Variants in ROBO2 observed in about 807,000 individuals in gnomAD.
ROBO2 encodes the protein roundabout homolog 2.
A neutral mutation model predicts 160.8 loss-of-function variants in ROBO2; 53 were observed. The ratio of observed to expected loss-of-function variants is 0.33; its 90% CI spans 0.26 to 0.41. The LOEUF is 0.41. Among genes scored for constraint, ROBO2 ranks in the 10% least tolerant of loss-of-function variants. ROBO2 has a pLI of 1.00. For synonymous variants in ROBO2, 664 were observed against 611.7 expected (o/e 1.09, Z -1.26); for missense variants, 1,577 against 1,722.4 (o/e 0.92, Z 1.49).
chr3:76,384,507 G>A (rs570283233), intron 2 of ROBO2, among the ~76,000 whole-genome samples: 98 of 152,218 alleles, frequency 6.4e-4, no homozygotes, highest in Middle Eastern at 6.8e-3. Flanking sequence ...AATCAAAACC[G>A]AAATTTTGGT....
chr3:76,042,673 A>G (rs746418792), intron 2 of ROBO2, among the ~76,000 whole-genome samples: 2 of 152,058 alleles, frequency 1.3e-5, no homozygotes, highest in African/African-American at 2.4e-5. Context: ...ACCCAAAACC[A>G]GGCCTGGGCC....
At chr3:76,880,184 A>AT in intron 2 of ROBO2, among the ~76,000 whole-genome samples, 1 of 151,988 alleles carries the variant, frequency 6.6e-6, no homozygotes, top group Non-Finnish European at 1.5e-5. Flanking sequence ...CCGGTTTATC[A>AT]TTTTTCCATT....
chr3:77,077,209 A>T lies in ROBO2; in HGVS notation c.62-20805A>T, dbSNP rs60522436. ...TCAGATTCCTCATCTGTAAAACAGAAATCATTACACAAAGCTTGTGGTGAG... is the reference window on the plus strand; with the variant it reads ...TCAGATTCCTCATCTGTAAAACAGATATCATTACACAAAGCTTGTGGTGAG... On this transcript the variant is annotated intron_variant, in intron 1 of 25. Coordinates refer to ENST00000461745, the Ensembl canonical transcript of ROBO2. Among the ~76,000 whole-genome samples, 33 of 152,340 alleles carry T rather than the reference A, an allele frequency of 2.2e-4. No individual in the cohort carries two copies. In the East Asian group the frequency reaches 4.8e-3, roughly 22 times the overall value.
intron 2 of ROBO2, among the ~76,000 whole-genome samples, chr3:77,320,075 G>A (rs774668098): frequency 6.6e-6 from 1 of 152,104 alleles, no homozygotes; most frequent in Non-Finnish European, 1.5e-5. Context: ...TCTTGAAATT[G>A]CAGCTGCATA....
intron 2 of ROBO2, among the ~76,000 whole-genome samples, chr3:76,204,945 A>G (rs1702727827): frequency 6.6e-6 from 1 of 152,200 alleles, no homozygotes; most frequent in Admixed American, 6.6e-5. Flanking sequence ...TTCATTGGAA[A>G]TTCATAGAGT....
chr3:76,410,919 A>G (rs1197200363), intron 2 of ROBO2, among the ~76,000 whole-genome samples: 1 of 152,182 alleles, frequency 6.6e-6, no homozygotes, highest in Non-Finnish European at 1.5e-5. Flanking sequence ...TCTTATGAAG[A>G]AAAAACTGTT....
At chr3:76,288,513 T>A (rs1183034342) in intron 2 of ROBO2, among the ~76,000 whole-genome samples, 1 of 151,994 alleles carries the variant, frequency 6.6e-6, no homozygotes, top group East Asian at 1.9e-4. Context: ...ACTTTTAGGT[T>A]CAGGGGATAC....
intron 2 of ROBO2, among the ~76,000 whole-genome samples, chr3:76,518,068 A>G (rs1299190280): frequency 6.6e-6 from 1 of 152,130 alleles, no homozygotes; most frequent in Non-Finnish European, 1.5e-5. Context: ...TTTAGAATAC[A>G]TTGTAATTAC....
intron 2 of ROBO2, among the ~76,000 whole-genome samples, chr3:77,102,074 G>T (rs935445851): frequency 6.6e-6 from 1 of 152,070 alleles, no homozygotes; most frequent in Non-Finnish European, 1.5e-5. Context: ...AAACATGGTT[G>T]ACACGATGCA....
chr3:76,149,789 AGTCTAAAACACACATCT>A (rs1471695822), intron 2 of ROBO2, among the ~76,000 whole-genome samples: 1 of 125,352 alleles, frequency 8.0e-6, no homozygotes, highest in Non-Finnish European at 1.7e-5. Context: ...ACACATCATC[AGTCTAAAACACACATCT>A]GTCTAAAGCA....
intron 2 of ROBO2, among the ~76,000 whole-genome samples, chr3:77,264,292 T>A (rs896386272): frequency 5.3e-5 from 8 of 152,186 alleles, no homozygotes; most frequent in African/African-American, 1.7e-4. Context: ...CCAGAGAAAT[T>A]TCACTTTTCA....
intron 2 of ROBO2, among the ~76,000 whole-genome samples, chr3:76,620,279 G>C (rs2088960111): frequency 6.6e-6 from 1 of 152,076 alleles, no homozygotes; most frequent in African/African-American, 2.4e-5. Context: ...TGTACTCTAT[G>C]AATATTTGCC....
intron 2 of ROBO2, among the ~76,000 whole-genome samples, chr3:76,225,699 G>T (rs543926610): frequency 1.3e-5 from 2 of 151,878 alleles, no homozygotes; most frequent in Non-Finnish European, 2.9e-5. Flanking sequence ...GGATGACAGA[G>T]GGATTCCTTG....
At chr3:77,228,999 T>A (rs899203712) in intron 2 of ROBO2, among the ~76,000 whole-genome samples, 2 of 152,236 alleles carry the variant, frequency 1.3e-5, no homozygotes, top group African/African-American at 4.8e-5. Flanking sequence ...TCATTTGGCA[T>A]GTTTTGTCCC....
At chr3:77,174,222 G>C (rs1398436227) in intron 2 of ROBO2, among the ~76,000 whole-genome samples, 1 of 151,872 alleles carries the variant, frequency 6.6e-6, no homozygotes, top group African/African-American at 2.4e-5. Context: ...AGCTTTGCTT[G>C]ACTAAGAAAA....
chr3:76,611,543 C>T (rs1006571803), intron 2 of ROBO2, among the ~76,000 whole-genome samples: 23 of 151,928 alleles, frequency 1.5e-4, no homozygotes, highest in Non-Finnish European at 2.1e-4. Context: ...CTAGGTTTTC[C>T]GATTTATTGG....
chr3:76,446,250 A>G (rs1412595108), intron 2 of ROBO2, among the ~76,000 whole-genome samples: 1 of 152,152 alleles, frequency 6.6e-6, no homozygotes, highest in East Asian at 1.9e-4. Flanking sequence ...ACAATAAGAG[A>G]CAAACAGAGA....
At chr3:76,247,536 C>T (rs1705693373) in intron 2 of ROBO2, among the ~76,000 whole-genome samples, 1 of 152,122 alleles carries the variant, frequency 6.6e-6, no homozygotes. Context: ...TGCGCTATGA[C>T]ACATTGGGCT....
intron 2 of ROBO2, among the ~76,000 whole-genome samples, chr3:76,133,414 T>C (rs371078405): frequency 6.6e-6 from 1 of 151,972 alleles, no homozygotes; most frequent in Non-Finnish European, 1.5e-5. Context: ...GACTAATACA[T>C]GTATTAGTCT....
Sources: allele counts gnomAD v4.1 joint callset (sites outside exome capture counted in the v4.1 genomes callset), GRCh38; gene constraint gnomAD v4.1.1; transcripts MANE v1.5; gene names NCBI Gene and HGNC (gene_info 2026-07-23, HGNC 2026-07-21).